Variants in TOM1L2 observed in about 807,000 individuals in gnomAD.
TOM1L2 encodes the protein target of myb1 like 2 membrane trafficking protein, also known as TOM1-like protein 2.
Under a neutral mutation model 67.9 loss-of-function variants are expected in TOM1L2, and 31 were observed. The observed-to-expected ratio is 0.46, with a 90% confidence interval of 0.34 to 0.62. The LOEUF is 0.62. Among genes scored for constraint, TOM1L2 ranks in the 20% least tolerant of loss-of-function variants. The pLI, the probability that TOM1L2 is intolerant of heterozygous loss-of-function variation, is 0.01. For synonymous variants in TOM1L2, 256 were observed against 254.0 expected, an observed-to-expected ratio of 1.01 and a Z score of -0.07; for missense variants, 606 against 663.5, an observed-to-expected ratio of 0.91 and a Z score of 0.95.
At chr17:17,890,737 T>C (rs1433379774) in intron 4 of TOM1L2, among the ~76,000 whole-genome samples, 1 of 152,230 alleles carries the variant, frequency 6.6e-6, no homozygotes, top group African/African-American at 2.4e-5. Flanking sequence ...TGGGAGGTTT[T>C]GGGTGTGGTC....
chr17:17,952,754 G>C (rs1264208610), intron 1 of TOM1L2, among the ~76,000 whole-genome samples: 2 of 151,878 alleles, frequency 1.3e-5, no homozygotes, highest in Non-Finnish European at 1.5e-5. Flanking sequence ...TTCACTGAAG[G>C]GCAAACAAAC....
At chr17:17,955,442 G>A (rs145295489) in intron 1 of TOM1L2, among the ~76,000 whole-genome samples, 1 of 149,742 alleles carries the variant, frequency 6.7e-6, no homozygotes, top group African/African-American at 2.5e-5. Context: ...GGGTTCAAGC[G>A]ATTCTCCAGC....
chr17:17,926,656 A>G (rs2040096490), intron 1 of TOM1L2, among the ~76,000 whole-genome samples: 5 of 147,872 alleles, frequency 3.4e-5, no homozygotes, highest in Admixed American at 3.3e-4. Flanking sequence ...TGAGCTCAGG[A>G]GTTCAAGACC....
At position 17,879,618 on chromosome 17, in the gene TOM1L2, A is replaced by G. The variant is rs762931310; in HGVS notation, c.777+9T>C. On this transcript the variant is annotated intron_variant, in intron 7 of 14. Transcript: ENST00000379504. ...ACCACAGGCCAAGTGCTTCTGAAAGATGACTCACCTGCAGCAACTCCAGAT... is the reference window on the plus strand; with the variant it reads ...ACCACAGGCCAAGTGCTTCTGAAAGGTGACTCACCTGCAGCAACTCCAGAT... 6.2e-7 allele frequency: 1 copy of G among 1,608,766 alleles called. No individual in the cohort carries two copies. Among genetic ancestry groups the G allele is most frequent in the Admixed American group, 1.7e-5 (1 of 60,014 alleles).
At chr17:17,970,826 A>T (rs2042041303) in intron 1 of TOM1L2, among the ~76,000 whole-genome samples, 3 of 151,586 alleles carry the variant, frequency 2.0e-5, no homozygotes, top group Admixed American at 2.0e-4. Flanking sequence ...CTACTGCTGA[A>T]ATCAGGCCCA....
At position 17,847,730 on chromosome 17, in the gene TOM1L2, G is replaced by T; in HGVS notation, c.1429C>A (p.Leu477Ile). 1 of 1,614,102 alleles carries T rather than the reference G, an allele frequency of 6.2e-7. No homozygotes were observed. Among genetic ancestry groups the T allele is most frequent in the Non-Finnish European group, 8.5e-7 (1 of 1,180,018 alleles). The change falls in exon 15 of 15, where the codon CTC (leucine) becomes ATC (isoleucine). Residue 477 changes from leucine (L) to isoleucine (I), a missense_variant. Coordinates refer to ENST00000379504, the MANE Select transcript of TOM1L2 (RefSeq NM_001082968.2). Reference sequence around the variant, plus strand: ...GGAGCCTCCATGGGGGGCGAGGGGAGGTCGGGAACCATTTCAGCAGCTTTG... The same window carrying T: ...GGAGCCTCCATGGGGGGCGAGGGGATGTCGGGAACCATTTCAGCAGCTTTG... ...RAKAAEMVPD[L>I]PSPPMEAPAP...
At chr17:17,959,708 C>T (rs2041610533) in intron 1 of TOM1L2, among the ~76,000 whole-genome samples, 1 of 152,216 alleles carries the variant, frequency 6.6e-6, no homozygotes, top group African/African-American at 2.4e-5. Context: ...TTACAGGACC[C>T]AGTTCTTGTC....
In TOM1L2 at chr17:17,953,090, C is replaced by A. The variant is rs923910312; in HGVS notation, c.52+19172G>T. On this transcript the variant is annotated intron_variant, in intron 1 of 14. Coordinates refer to ENST00000379504, the MANE Select transcript of TOM1L2 (RefSeq NM_001082968.2). Reference sequence around the variant, plus strand: ...AGGCCAGGAGTTTGAGACCGCCTGGCCAACATGGCGAAACCCCATCTCTAC... The same window carrying A: ...AGGCCAGGAGTTTGAGACCGCCTGGACAACATGGCGAAACCCCATCTCTAC... Among the ~76,000 whole-genome samples, 4 of 152,030 alleles carry A rather than the reference C, an allele frequency of 2.6e-5. No homozygotes were observed. The South Asian group carries it at 8.3e-4, about 32-fold the overall frequency.
chr17:17,890,840 T>C (rs1451078065), intron 4 of TOM1L2, among the ~76,000 whole-genome samples: 1 of 152,178 alleles, frequency 6.6e-6, no homozygotes, highest in Non-Finnish European at 1.5e-5. Context: ...TTCCTGTATA[T>C]ATATTATAAT....
chr17:17,954,777 TCC>T (rs1336603502), intron 1 of TOM1L2, among the ~76,000 whole-genome samples: 1 of 152,130 alleles, frequency 6.6e-6, no homozygotes. Context: ...CAAGCAATGG[TCC>T]AGGCATGACC....
At chr17:17,925,981 G>A (rs1476015999) in intron 1 of TOM1L2, among the ~76,000 whole-genome samples, 1 of 151,886 alleles carries the variant, frequency 6.6e-6, no homozygotes, top group East Asian at 1.9e-4. Context: ...AACCAGCCTG[G>A]GTAACACAGC....
intron 7 of TOM1L2, among the ~76,000 whole-genome samples, chr17:17,870,272 C>T (rs1191397635): frequency 2.0e-5 from 3 of 152,200 alleles, no homozygotes; most frequent in African/African-American, 7.2e-5. Context: ...CCCGTGACGA[C>T]AGAGCCTTAG....
chr17:17,862,543 G>C (rs1392135359), intron 11 of TOM1L2, 188 bp downstream of exon 11: 1 of 600,542 alleles, frequency 1.7e-6, no homozygotes. Flanking sequence ...TTGGGGGGGT[G>C]GGGGAGGAGG....
At chr17:17,859,868 G>C (rs1381788576) in intron 12 of TOM1L2, 1 of 152,300 alleles carries the variant, frequency 6.6e-6, no homozygotes, top group Non-Finnish European at 1.5e-5. Flanking sequence ...GCGCCAGAGC[G>C]AGACTCCATC....
intron 12 of TOM1L2, among the ~76,000 whole-genome samples, chr17:17,857,315 T>C (rs1254491241): frequency 1.3e-5 from 2 of 152,170 alleles, no homozygotes; most frequent in African/African-American, 2.4e-5. Flanking sequence ...GCAACTATAT[T>C]ATAAAAATCT....
chr17:17,969,736 A>C (rs2041997417), intron 1 of TOM1L2, among the ~76,000 whole-genome samples: 1 of 152,162 alleles, frequency 6.6e-6, no homozygotes, highest in South Asian at 2.1e-4. Context: ...ACCCTAACTT[A>C]AATATTCTGT....
At chr17:17,933,978 G>A (rs1208296091) in intron 1 of TOM1L2, among the ~76,000 whole-genome samples, 3 of 152,108 alleles carry the variant, frequency 2.0e-5, no homozygotes, top group African/African-American at 7.2e-5. Flanking sequence ...GTGACTCACT[G>A]CCTGGAAAGG....
chr17:17,872,131 C>T, intron 7 of TOM1L2: 1 of 768,034 alleles, frequency 1.3e-6, no homozygotes, highest in Non-Finnish European at 1.6e-6. Flanking sequence ...AATTACTGTA[C>T]ACAGGAAAAC....
Position 17,931,590 on chromosome 17 carries a change from T to C in TOM1L2, c.53-24059A>G, listed in dbSNP as rs74336194. Among the ~76,000 whole-genome samples the C allele has an allele frequency of 1.6e-4, 25 of 152,256 alleles. No individual in the cohort carries two copies. The East Asian group carries it at 2.9e-3, about 18-fold the overall frequency. ...CCTCCCCCGTACAAAATGAGCTCCT[T>C]GAAAGGCAATACAATGAAGCATCTC... On this transcript the variant is annotated intron_variant, in intron 1 of 14. Coordinates refer to ENST00000379504, the MANE Select transcript of TOM1L2 (RefSeq NM_001082968.2).
Sources: allele counts gnomAD v4.1 joint callset (sites outside exome capture counted in the v4.1 genomes callset), GRCh38; gene constraint gnomAD v4.1.1; transcripts MANE v1.5; gene names NCBI Gene and HGNC (gene_info 2026-07-23, HGNC 2026-07-21).